Variants in CLUAP1 observed in about 807,000 individuals in gnomAD.
CLUAP1 encodes the protein intraflagellar transport 38.
In CLUAP1, 50 loss-of-function variants were observed where a neutral mutation model predicts 55.0. The ratio of observed to expected loss-of-function variants is 0.91; its 90% CI spans 0.72 to 1.15. The LOEUF (loss-of-function observed/expected upper bound fraction) is 1.15, where lower values mean the gene tolerates loss of function less well. Ranked by LOEUF, CLUAP1 falls within the 50% of genes most tolerant of loss-of-function variation. CLUAP1 has a pLI of 0.00. For missense variants in CLUAP1, 530 were observed against 507.6 expected (o/e 1.04, Z -0.42); for synonymous variants, 195 against 175.4 (o/e 1.11, Z -0.88).
At position 3,532,403 on chromosome 16, in the gene CLUAP1, CTTTTTTT is replaced by C. The variant is rs58037008; in HGVS notation, c.1037-361_1037-355del. On this transcript the variant is annotated intron_variant, in intron 10 of 11. Transcript: ENST00000576634. ...CCTGTTAATGTTTGGAGCACAGTTG[CTTTTTTT>C]TTTTTTTTTTTTTTTTTTTTTGGAG... Among the ~76,000 whole-genome samples the C allele has an allele frequency of 9.1e-4, 46 of 50,764 alleles. 1 individual carries two copies. The highest frequency in any genetic ancestry group is 3.3e-3 in the African/African-American group (42 of 12,708). The allele number at this position is 50,764 out of a possible 152,430, so 33.3% of individuals were successfully genotyped here.
chr16:3,508,140 C>G (rs1052243753), intron 3 of CLUAP1, 149 bp from the exon 4 acceptor site: 3 of 642,848 alleles, frequency 4.7e-6, no homozygotes, highest in African/African-American at 3.8e-5. Context: ...TACAACCACT[C>G]ACAATGTTTG....
chr16:3,500,959 G>C, upstream of CLUAP1: 1 of 1,173,454 alleles, frequency 8.5e-7, no homozygotes, highest in Middle Eastern at 2.2e-4. Flanking sequence ...GTCCCTGACC[G>C]TGCGCCGTCC....
rs2037801094 is a variant in CLUAP1, at chr16:3,519,938, T to A, written c.615T>A (p.Asn205Lys). 1 of 1,613,104 alleles carries A rather than the reference T, an allele frequency of 6.2e-7. No individual in the cohort carries two copies. Among genetic ancestry groups the A allele is most frequent in the South Asian group, 1.1e-5 (1 of 90,838 alleles). Residue 205 changes from asparagine (N) to lysine (K), a missense_variant, in exon 7 of 12, where the codon AAT (asparagine) becomes AAA (lysine). Physicochemically the swap from Asn to Lys is moderately conservative, Grantham distance 94. Coordinates refer to ENST00000576634, the MANE Select transcript of CLUAP1 (RefSeq NM_015041.3). Reference sequence around the variant, plus strand: ...AGAAGACTAAAGACCTGCTCAATAATGTGGCCTCTGATGAAGCTAATTTAG... The same window carrying A: ...AGAAGACTAAAGACCTGCTCAATAAAGTGGCCTCTGATGAAGCTAATTTAG... ...QVQKTKDLLN[N>K]VASDEANLEA...
In CLUAP1 at chr16:3,532,837, A is replaced by T. The variant is rs1446026283; in HGVS notation, c.1088A>T (p.Asp363Val). 1 of 1,614,118 alleles carries T rather than the reference A, an allele frequency of 6.2e-7. No homozygotes were observed. Among genetic ancestry groups the T allele is most frequent in the East Asian group, 2.2e-5 (1 of 44,880 alleles). The change falls in exon 11 of 12, where the codon GAC becomes GTC. Residue 363 changes from aspartate to valine, a missense_variant. Physicochemically the swap from Asp to Val is radical, Grantham distance 152. Transcript: ENST00000576634. Reference protein sequence around the residue: ...VGTMQGGDSDDNEDSEESEID... With the variant: ...VGTMQGGDSDVNEDSEESEID... Reference sequence around the variant, plus strand: ...ACGATGCAAGGTGGAGACTCCGATGACAATGTAAGTCCCCCGCTCCCCTCA... The same window carrying T: ...ACGATGCAAGGTGGAGACTCCGATGTCAATGTAAGTCCCCCGCTCCCCTCA...
At chr16:3,503,124 G>C (rs988576945) in intron 1 of CLUAP1, among the ~76,000 whole-genome samples, 3 of 151,642 alleles carry the variant, frequency 2.0e-5, no homozygotes, top group Admixed American at 6.6e-5. Context: ...ATAGGCGCCC[G>C]CCACCACACT....
upstream of CLUAP1, among the ~76,000 whole-genome samples, chr16:3,500,743 A>G (rs2037375431): frequency 6.6e-6 from 1 of 152,222 alleles, no homozygotes; most frequent in Admixed American, 6.5e-5. Context: ...AATATCAAGC[A>G]CGTAGTAGGT....
At chr16:3,507,009 G>A (rs2037519554) in intron 3 of CLUAP1, among the ~76,000 whole-genome samples, 1 of 151,616 alleles carries the variant, frequency 6.6e-6, no homozygotes, top group Non-Finnish European at 1.5e-5. Flanking sequence ...ATCCTGGCTA[G>A]CAGGGTGAAA....
chr16:3,500,843 G>C, upstream of CLUAP1: 4 of 574,594 alleles, frequency 7.0e-6, no homozygotes, highest in Non-Finnish European at 1.2e-5. Flanking sequence ...CATAGACGCC[G>C]GTATCGCCAC....
chr16:3,496,453 G>T, upstream of CLUAP1: 1 of 956,636 alleles, frequency 1.0e-6, no homozygotes, highest in South Asian at 1.3e-5. Context: ...CCGTGGTTGT[G>T]GGGACGCTTA....
chr16:3,508,927 G>A (rs1256973704), intron 4 of CLUAP1, among the ~76,000 whole-genome samples: 2 of 145,256 alleles, frequency 1.4e-5, no homozygotes, highest in African/African-American at 2.7e-5. Flanking sequence ...AGTGAGTTGT[G>A]CGGGTGGCGG....
chr16:3,521,671 G>A (rs2037837899), intron 7 of CLUAP1, among the ~76,000 whole-genome samples: 1 of 152,010 alleles, frequency 6.6e-6, no homozygotes, highest in Non-Finnish European at 1.5e-5. Context: ...CTGACCTTGT[G>A]ATCCACCTGC....
intron 9 of CLUAP1, among the ~76,000 whole-genome samples, chr16:3,529,541 T>G (rs1243831242): frequency 2.0e-5 from 1 of 49,412 alleles, no homozygotes; most frequent in Non-Finnish European, 3.2e-5. Context: ...ATGTTATATA[T>G]TATTATATAT....
rs759248659 is a variant in CLUAP1, at chr16:3,504,755, C to A, written c.58C>A (p.Arg20=). 5 of 1,612,204 alleles carry A rather than the reference C, an allele frequency of 3.1e-6. No individual in the cohort carries two copies. The South Asian group carries it at 5.5e-5, about 18-fold the overall frequency. The change falls in exon 2 of 12, where the codon CGA becomes AGA. Residue 20 remains arginine (R), a synonymous_variant. Transcript: ENST00000576634. The part of the protein sequence containing the change: ...TEMMRALGYP[R]HISMENFRTP... Reference sequence around the variant, plus strand: ...GATGATGAGAGCCCTGGGATACCCTCGACATATTTCTATGGAAAATTTCCG... The same window carrying A: ...GATGATGAGAGCCCTGGGATACCCTAGACATATTTCTATGGAAAATTTCCG...
rs1443910325 is a variant in CLUAP1, at chr16:3,526,970, C to A, written c.928+486C>A. 2.0e-5 allele frequency among the ~76,000 whole-genome samples: 3 copies of A among 152,004 alleles called. No homozygotes were observed. In the East Asian group the frequency reaches 5.8e-4, roughly 29 times the overall value. On this transcript the variant is annotated intron_variant, in intron 9 of 11. Coordinates refer to ENST00000576634, the MANE Select transcript of CLUAP1 (RefSeq NM_015041.3). ...AGGGGCCGCTCGCTTTGTGATGGTCCCCATGCTGCTGAGATGCCCCCCATA... is the reference window on the plus strand; with the variant it reads ...AGGGGCCGCTCGCTTTGTGATGGTCACCATGCTGCTGAGATGCCCCCCATA...
upstream of CLUAP1, among the ~76,000 whole-genome samples, chr16:3,500,191 T>A (rs1205815946): frequency 1.3e-5 from 2 of 152,030 alleles, no homozygotes; most frequent in Non-Finnish European, 2.9e-5. Context: ...CGCGAGCGGC[T>A]CAGGGCCCCT....
At position 3,536,170 on chromosome 16, in the gene CLUAP1, G is replaced by A. The variant is rs1456726796; in HGVS notation, c.1141G>A (p.Asp381Asn). ...TGACATGGAAGATGATGATGACGAG[G>A]ATGACGATTTGGAAGACGAGAGCAT... The part of the protein sequence containing the change: ...EIDMEDDDDE[D>N]DDLEDESISL... Residue 381 changes from aspartate (D) to asparagine (N), a missense_variant, in exon 12 of 12, where the codon GAT becomes AAT. Coordinates refer to ENST00000576634, the MANE Select transcript of CLUAP1 (RefSeq NM_015041.3). 6.2e-7 allele frequency: 1 copy of A among 1,614,132 alleles called. No homozygotes were observed. The highest frequency in any genetic ancestry group is 1.3e-5 in the African/African-American group (1 of 75,014).
chr16:3,496,587 T>G, upstream of CLUAP1: 1 of 536,788 alleles, frequency 1.9e-6, no homozygotes. Context: ...CAGCTGGCCC[T>G]GGACTCCCTC....
At chr16:3,533,264 G>T (rs77967576) in intron 11 of CLUAP1, 18 of 877,244 alleles carry the variant, frequency 2.1e-5, no homozygotes, top group East Asian at 1.3e-4. Flanking sequence ...GGGCAAAAAG[G>T]CCACTCAAAA....
chr16:3,514,425 G>A (rs1030159727), intron 5 of CLUAP1, among the ~76,000 whole-genome samples: 9 of 152,168 alleles, frequency 5.9e-5, no homozygotes, highest in Non-Finnish European at 1.3e-4. Flanking sequence ...CTCAGCCACA[G>A]GCAAGGCACT....
Sources: allele counts gnomAD v4.1 joint callset (sites outside exome capture counted in the v4.1 genomes callset), GRCh38; gene constraint gnomAD v4.1.1; transcripts MANE v1.5; gene names NCBI Gene and HGNC (gene_info 2026-07-23, HGNC 2026-07-21).